The following CD109 variants were observed in gnomAD, a reference collection of about 807,000 sequenced individuals.
CD109 encodes the protein CD109 antigen.
CD109 carries 149 observed loss-of-function variants against 165.8 expected under a neutral mutation model. The ratio of observed to expected loss-of-function variants is 0.90; its 90% CI spans 0.79 to 1.03. The LOEUF is 1.03. Among genes scored for constraint, CD109 ranks in the 50% least tolerant of loss-of-function variants. The pLI is 0.00. For synonymous variants in CD109, 585 were observed against 592.1 expected (o/e 0.99, Z 0.18); for missense variants, 1,712 against 1,677.8 (o/e 1.02, Z -0.36).
intron 2 of CD109, among the ~76,000 whole-genome samples, chr6:73,721,804 T>C (rs1771961379): frequency 6.6e-6 from 1 of 152,186 alleles, no homozygotes; most frequent in African/African-American, 2.4e-5. Context: ...TGATGTGATC[T>C]CAGCTCACTG....
chr6:73,802,257 ATGTGTGTGTG>A (rs533767572), intron 23 of CD109, among the ~76,000 whole-genome samples: 51 of 100,382 alleles, frequency 5.1e-4, no homozygotes, highest in South Asian at 2.9e-3. Context: ...GCATGTGTAT[ATGTGTGTGTG>A]TGTGTGTGTG....
intron 23 of CD109, among the ~76,000 whole-genome samples, chr6:73,795,717 G>T (rs1043543953): frequency 6.6e-6 from 1 of 152,170 alleles, no homozygotes; most frequent in Non-Finnish European, 1.5e-5. Context: ...TAGATCAGGG[G>T]CATAGCACTG....
intron 2 of CD109, among the ~76,000 whole-genome samples, chr6:73,704,789 G>T (rs1771204053): frequency 6.6e-6 from 1 of 152,186 alleles, no homozygotes; most frequent in South Asian, 2.1e-4. Context: ...AGAAAGGAAG[G>T]CACTGGAGGA....
chr6:73,712,569 G>A lies in CD109; in HGVS notation c.248-10682G>A, dbSNP rs1771578842. Among the ~76,000 whole-genome samples the A allele has an allele frequency of 2.6e-5, 4 of 152,106 alleles. No homozygotes were observed. The South Asian group carries it at 8.3e-4, about 32-fold the overall frequency. ...TGATTTTCCAAAGTTATTTGGTGAG[G>A]ACAGATGTCAGAAGAGGCAGCATAT... On this transcript the variant is annotated intron_variant, in intron 2 of 32. Transcript: ENST00000287097.
At chr6:73,715,657 G>T (rs1295352186) in intron 2 of CD109, among the ~76,000 whole-genome samples, 1 of 151,622 alleles carries the variant, frequency 6.6e-6, no homozygotes, top group Non-Finnish European at 1.5e-5. Context: ...CATAGAAGAT[G>T]TATATATTTA....
At chr6:73,695,723 C>A (rs1424971489), upstream of CD109, 1 of 171,084 alleles carries the variant, frequency 5.8e-6, no homozygotes, top group African/African-American at 2.4e-5. Context: ...TGTGTGTGTG[C>A]CGTTTCTCTA....
chr6:73,790,163 C>T (rs1301298003), intron 22 of CD109, among the ~76,000 whole-genome samples: 2 of 141,844 alleles, frequency 1.4e-5, no homozygotes, highest in African/African-American at 2.7e-5. Flanking sequence ...GGTGTGATCT[C>T]GGTTTACTGC....
chr6:73,779,480 C>T (rs1328574800), intron 15 of CD109, among the ~76,000 whole-genome samples: 1 of 152,068 alleles, frequency 6.6e-6, no homozygotes, highest in African/African-American at 2.4e-5. Flanking sequence ...AAACTCCTGA[C>T]CTCATGATCC....
chr6:73,783,573 T>C (rs1023030015), intron 18 of CD109, 134 bp from the exon 19 acceptor site: 2 of 629,318 alleles, frequency 3.2e-6, no homozygotes, highest in African/African-American at 3.7e-5. Flanking sequence ...ACCTTTTAAA[T>C]GGTTTTAAAT....
In CD109 at chr6:73,766,188, A is replaced by G. The variant is rs1358509563; in HGVS notation, c.1332+34A>G. 4.0e-6 allele frequency: 6 copies of G among 1,510,796 alleles called. No homozygotes were observed. In the South Asian group the frequency reaches 6.8e-5, roughly 17 times the overall value. 93.6% of individuals were successfully genotyped at this position (1,510,796 alleles called of 1,614,324 possible). A position where few individuals can be genotyped will look rare whatever the true frequency, so the allele number is the denominator to read the frequency against. On this transcript the variant is annotated intron_variant, in intron 11 of 32. Coordinates refer to ENST00000287097, the MANE Select transcript of CD109 (RefSeq NM_133493.5). ...TGTTTCCCATCATTGTGTCACTGCA[A>G]CAACACCATTACAGTTGTAATCTTG...
At chr6:73,684,677 A>G in the CD109 span, among the ~76,000 whole-genome samples, 1 of 150,798 alleles carries the variant, frequency 6.6e-6, no homozygotes, top group Non-Finnish European at 1.5e-5. Flanking sequence ...TGTTTACTCA[A>G]TTCCTCCCCC....
chr6:73,695,791 GCTATGAATTTCT>G (rs6149641), upstream of CD109: 10,687 of 213,722 alleles, frequency 0.05, 335 homozygotes, highest in African/African-American at 0.08. Context: ...TCACATAGTT[GCTATGAATTTCT>G]CCTCACAAGG....
chr6:73,812,343 A>G, intron 29 of CD109, 73 bp downstream of exon 29: 1 of 952,196 alleles, frequency 1.1e-6, no homozygotes, highest in Non-Finnish European at 1.6e-6. Flanking sequence ...GGGCTTTATT[A>G]AATCTTAGAT....
At chr6:73,756,407 T>A (rs1282680362) in intron 5 of CD109, among the ~76,000 whole-genome samples, 3 of 152,204 alleles carry the variant, frequency 2.0e-5, no homozygotes, top group African/African-American at 7.2e-5. Context: ...TAGAGATAGG[T>A]CACCATTTTA....
At chr6:73,722,417 T>C (rs1475822008) in intron 2 of CD109, among the ~76,000 whole-genome samples, 7 of 152,266 alleles carry the variant, frequency 4.6e-5, no homozygotes, top group South Asian at 2.1e-4. Flanking sequence ...CCAGTACATA[T>C]CAAATTCTTG....
intron 5 of CD109, among the ~76,000 whole-genome samples, chr6:73,743,379 C>A (rs755844124): frequency 6.6e-6 from 1 of 152,126 alleles, no homozygotes; most frequent in Non-Finnish European, 1.5e-5. Context: ...CTTCTGGAGC[C>A]CTGTATAATG....
At chr6:73,756,810 T>G in intron 6 of CD109, 128 bp downstream of exon 6, 2 of 586,818 alleles carry the variant, frequency 3.4e-6, no homozygotes, top group Non-Finnish European at 5.6e-6. Context: ...TGGTGTTTTT[T>G]AAAGGCCTAA....
intron 5 of CD109, among the ~76,000 whole-genome samples, chr6:73,743,963 A>G (rs4235875): frequency 0.32 from 49,010 of 152,184 alleles, 7,893 homozygotes; most frequent in Admixed American, 0.37. Flanking sequence ...TTTCTCCTCC[A>G]TTCTTCCAAA....
At chr6:73,763,479 AC>A in intron 9 of CD109, 96 bp from the exon 10 acceptor site, 1 of 633,122 alleles carries the variant, frequency 1.6e-6, no homozygotes, top group Non-Finnish European at 2.8e-6. Flanking sequence ...GATATTTTTA[AC>A]CCTTTTTGCA....
Sources: gnomAD v4.1 joint callset for allele counts (sites outside exome capture counted in the v4.1 genomes callset) on GRCh38, gnomAD v4.1.1 for gene constraint, MANE v1.5 for transcripts, NCBI Gene and HGNC (gene_info 2026-07-23, HGNC 2026-07-21) for gene names.